Variants in IGFBP7 observed in about 807,000 individuals in gnomAD.
IGFBP7 encodes insulin like growth factor binding protein 7.
In IGFBP7, 31 loss-of-function variants were observed where a neutral mutation model predicts 29.4. The ratio of observed to expected loss-of-function variants is 1.05; its 90% CI spans 0.79 to 1.42. The LOEUF (loss-of-function observed/expected upper bound fraction) is 1.42, where lower values mean the gene tolerates loss of function less well. Among genes scored for constraint, IGFBP7 ranks in the 40% most tolerant of loss-of-function variants. The pLI is 0.00. For missense variants in IGFBP7, 393 were observed against 395.5 expected, an observed-to-expected ratio of 0.99 and a Z score of 0.05; for synonymous variants, 172 against 174.9, an observed-to-expected ratio of 0.98 and a Z score of 0.13.
chr4:57,101,471 G>C (rs781075068), intron 1 of IGFBP7, among the ~76,000 whole-genome samples: 35 of 152,262 alleles, frequency 2.3e-4, no homozygotes, highest in Non-Finnish European at 4.7e-4. Flanking sequence ...ACCCTCTCCT[G>C]GTAGGGACAT....
chr4:57,044,361 T>G (rs11573104), intron 1 of IGFBP7, among the ~76,000 whole-genome samples: 1 of 152,088 alleles, frequency 6.6e-6, no homozygotes. Context: ...AGTTTTAGTA[T>G]AGTCCAATTT....
chr4:57,055,186 CT>C (rs1724626436), intron 1 of IGFBP7, among the ~76,000 whole-genome samples: 2 of 129,382 alleles, frequency 1.5e-5, no homozygotes, highest in African/African-American at 6.4e-5. Flanking sequence ...CCACCGGGTA[CT>C]GGCCTCTAGG....
intron 1 of IGFBP7, among the ~76,000 whole-genome samples, chr4:57,077,819 C>T (rs1354905559): frequency 3.2e-4 from 48 of 152,140 alleles, no homozygotes; most frequent in Admixed American, 2.6e-3. Flanking sequence ...AATGACTTAA[C>T]GGTTTGAGCC....
intron 1 of IGFBP7, among the ~76,000 whole-genome samples, chr4:57,095,480 G>GC (rs1357131884): frequency 6.6e-6 from 1 of 152,108 alleles, no homozygotes; most frequent in East Asian, 1.9e-4. Context: ...TTTATTAAAG[G>GC]CCAATTGTGG....
chr4:57,052,576 G>C (rs1034216688), intron 1 of IGFBP7, among the ~76,000 whole-genome samples: 1 of 152,152 alleles, frequency 6.6e-6, no homozygotes, highest in South Asian at 2.1e-4. Flanking sequence ...TCAGCTCACT[G>C]CTGACCACCT....
intron 1 of IGFBP7, among the ~76,000 whole-genome samples, chr4:57,056,664 C>A (rs1724681699): frequency 6.6e-6 from 1 of 152,138 alleles, no homozygotes. Flanking sequence ...GGCAAGTCAC[C>A]CTTGCTTTTA....
chr4:57,041,909 C>G (rs9996425), intron 1 of IGFBP7, among the ~76,000 whole-genome samples: 81,222 of 151,880 alleles, frequency 0.53, 22,664 homozygotes, highest in African/African-American at 0.71. Context: ...TTCCAGTGTG[C>G]TCAGGAGAGG....
In IGFBP7 at chr4:57,068,505, A is replaced by G. The variant is rs17087469; in HGVS notation, c.476-27572T>C. Among the ~76,000 whole-genome samples, 1,072 of 152,312 alleles carry G rather than the reference A, an allele frequency of 7.0e-3. 13 individuals carry two copies. Among genetic ancestry groups the G allele is most frequent in the African/African-American group, 0.025 (1,020 of 41,558 alleles). ...ACAGATAAGATGGGCCTAGAAACAC[A>G]TCAGTAACGGCAGAGAAAAATAAAG... On this transcript the variant is annotated intron_variant, in intron 1 of 4. Transcript: ENST00000295666.
chr4:57,055,931 C>T (rs1051858915), intron 1 of IGFBP7, among the ~76,000 whole-genome samples: 1 of 152,116 alleles, frequency 6.6e-6, no homozygotes, highest in African/African-American at 2.4e-5. Context: ...CCCCTTCAGA[C>T]TTCCATGGAG....
intron 2 of IGFBP7, among the ~76,000 whole-genome samples, chr4:57,040,150 G>A (rs1241704393): frequency 6.6e-6 from 1 of 152,008 alleles, no homozygotes; most frequent in African/African-American, 2.4e-5. Flanking sequence ...TGGTACTTAG[G>A]AGAATAGATC....
At chr4:57,073,870 A>T (rs1725127586) in intron 1 of IGFBP7, among the ~76,000 whole-genome samples, 1 of 152,102 alleles carries the variant, frequency 6.6e-6, no homozygotes, top group Non-Finnish European at 1.5e-5. Flanking sequence ...TGTGGAGTTG[A>T]TCGGGAGTGA....
At chr4:57,070,572 C>G (rs1202371736) in intron 1 of IGFBP7, among the ~76,000 whole-genome samples, 5 of 152,180 alleles carry the variant, frequency 3.3e-5, no homozygotes, top group African/African-American at 9.6e-5. Flanking sequence ...GCAAATCACT[C>G]CTCTGCATTA....
At chr4:57,041,423 C>T (rs1295419191) in intron 1 of IGFBP7, among the ~76,000 whole-genome samples, 1 of 152,140 alleles carries the variant, frequency 6.6e-6, no homozygotes, top group African/African-American at 2.4e-5. Flanking sequence ...GTCTCTGCCT[C>T]AAGAAGCTTA....
At chr4:57,039,490 AGTGGGTAGAG>A (rs1363887860) in intron 2 of IGFBP7, among the ~76,000 whole-genome samples, 2 of 152,072 alleles carry the variant, frequency 1.3e-5, no homozygotes. Flanking sequence ...ACTGTTATAT[AGTGGGTAGAG>A]GCTGGGGATA....
chr4:57,109,998 C>G lies in IGFBP7; in HGVS notation c.354G>C (p.Pro118=). ...AGGTGGTGCCGTCGCTGCCGCACAC[C>G]GGGTAGCGGCTCTTGCACACGCACA... ...SGVCVCKSRY[P]VCGSDGTTYP... Residue 118 remains proline (P), a synonymous_variant, in exon 1 of 5, where the codon CCG becomes CCC. Transcript: ENST00000295666. The G allele has an allele frequency of 6.5e-7, 1 of 1,545,522 alleles. No homozygotes were observed. Among genetic ancestry groups the G allele is most frequent in the South Asian group, 1.2e-5 (1 of 84,620 alleles).
intron 1 of IGFBP7, among the ~76,000 whole-genome samples, chr4:57,089,562 G>C (rs1372080200): frequency 6.6e-6 from 1 of 152,202 alleles, no homozygotes; most frequent in Admixed American, 6.5e-5. Flanking sequence ...CTTCAGTGAA[G>C]TCTGATGGGG....
In IGFBP7 at chr4:57,080,450, G is replaced by A. The variant is rs568065984; in HGVS notation, c.475+29427C>T. Among the ~76,000 whole-genome samples the A allele has an allele frequency of 6.5e-4, 99 of 152,222 alleles. 1 individual carries two copies. In the Middle Eastern group the frequency reaches 0.014, roughly 21 times the overall value. ...GAATATTGATTGCAGACACACGAAG[G>A]GTTTTCCTAAAGTTGGTATCAGAAC... On this transcript the variant is annotated intron_variant, in intron 1 of 4. Coordinates refer to ENST00000295666, the MANE Select transcript of IGFBP7 (RefSeq NM_001553.3).
intron 1 of IGFBP7, among the ~76,000 whole-genome samples, chr4:57,067,495 T>C (rs771495975): frequency 5.9e-5 from 9 of 152,188 alleles, no homozygotes; most frequent in Admixed American, 5.9e-4. Flanking sequence ...ATCTAAAGTA[T>C]TTAAACTTAT....
chr4:57,096,124 T>C (rs1042761563), intron 1 of IGFBP7, among the ~76,000 whole-genome samples: 1 of 151,682 alleles, frequency 6.6e-6, no homozygotes, highest in Non-Finnish European at 1.5e-5. Flanking sequence ...TGGGATACAT[T>C]TTTAAAATAC....
Sources: allele counts gnomAD v4.1 joint callset (sites outside exome capture counted in the v4.1 genomes callset), GRCh38; gene constraint gnomAD v4.1.1; transcripts MANE v1.5; gene names NCBI Gene and HGNC (gene_info 2026-07-23, HGNC 2026-07-21).